The following GVQW3 variants were observed in gnomAD, a reference collection of about 807,000 sequenced individuals.
The protein encoded by GVQW3 is GVQW motif containing 3.
GVQW3 carries 7 observed loss-of-function variants against 12.5 expected under a neutral mutation model. The ratio of observed to expected loss-of-function variants is 0.56; its 90% confidence interval spans 0.32 to 1.05. GVQW3 has a LOEUF of 1.05. Among genes scored for constraint, GVQW3 ranks in the 50% least tolerant of loss-of-function variants. The pLI is 0.04. For synonymous variants in GVQW3, 71 were observed against 67.2 expected (o/e 1.06, Z -0.28); for missense variants, 188 against 190.8 (o/e 0.99, Z 0.09).
intron 1 of GVQW3, among the ~76,000 whole-genome samples, chr11:76,398,616 A>G (rs1946960891): frequency 6.6e-6 from 1 of 151,770 alleles, no homozygotes; most frequent in South Asian, 2.1e-4. Context: ...CCTGGCCTCA[A>G]TTTTCTTTAA....
chr11:76,401,564 A>C (rs1946989290), intron 1 of GVQW3, among the ~76,000 whole-genome samples: 1 of 152,070 alleles, frequency 6.6e-6, no homozygotes, highest in Non-Finnish European at 1.5e-5. Context: ...ACCTGAGGTC[A>C]GGAGTTTGAG....
intron 1 of GVQW3, chr11:76,395,084 G>C (rs1041656286): frequency 6.6e-6 from 1 of 152,168 alleles, no homozygotes; most frequent in Non-Finnish European, 1.5e-5. Flanking sequence ...CTCAATAAAT[G>C]TTTGATAGAT....
At chr11:76,397,981 G>A (rs1276154196) in intron 1 of GVQW3, among the ~76,000 whole-genome samples, 1 of 151,928 alleles carries the variant, frequency 6.6e-6, no homozygotes, top group African/African-American at 2.4e-5. Flanking sequence ...ACAAAAGTAT[G>A]AAAAGTAGCC....
intron 1 of GVQW3, among the ~76,000 whole-genome samples, chr11:76,401,992 G>T (rs1946994509): frequency 6.6e-6 from 1 of 152,066 alleles, no homozygotes; most frequent in South Asian, 2.1e-4. Flanking sequence ...AGCTTTTCCA[G>T]TCTCCTTTTC....
chr11:76,399,413 A>G (rs1006963692), intron 1 of GVQW3, among the ~76,000 whole-genome samples: 1 of 152,174 alleles, frequency 6.6e-6, no homozygotes, highest in Non-Finnish European at 1.5e-5. Flanking sequence ...AAGTGCTGGG[A>G]TTACAGGCGT....
chr11:76,396,251 G>A (rs1002829689), intron 1 of GVQW3, among the ~76,000 whole-genome samples: 12 of 151,988 alleles, frequency 7.9e-5, no homozygotes, highest in African/African-American at 2.9e-4. Flanking sequence ...CTTAGCATTT[G>A]CCTAGTATAT....
downstream of GVQW3, chr11:76,410,927 G>A (rs966145382): frequency 6.6e-6 from 1 of 152,194 alleles, no homozygotes; most frequent in African/African-American, 2.4e-5. Flanking sequence ...TGCTTTATGG[G>A]ACTTCAGGGA....
chr11:76,389,464 C>A (rs1302992283), intron 1 of GVQW3, among the ~76,000 whole-genome samples: 1 of 143,570 alleles, frequency 7.0e-6, no homozygotes, highest in East Asian at 2.2e-4. Context: ...GTGTTGGCAG[C>A]AAGGCTGGGA....
chr11:76,403,533 G>A, intron 1 of GVQW3, 127 bp from the exon 2 acceptor site: 2 of 403,720 alleles, frequency 5.0e-6, no homozygotes, highest in Admixed American at 4.3e-5. Context: ...ATAGTGGCAC[G>A]ATTTTAGCTC....
At chr11:76,392,023 C>G (rs1311819181) in intron 1 of GVQW3, among the ~76,000 whole-genome samples, 1 of 152,244 alleles carries the variant, frequency 6.6e-6, no homozygotes, top group African/African-American at 2.4e-5. Context: ...TGGGCCTGCA[C>G]TAGGCACAGA....
chr11:76,411,268 C>A (rs1297165545), downstream of GVQW3: 1 of 152,404 alleles, frequency 6.6e-6, no homozygotes, highest in Non-Finnish European at 1.5e-5. Flanking sequence ...GAAGAGGCTG[C>A]AACGTGCAGG....
At chr11:76,385,540 C>G (rs934817130) in intron 1 of GVQW3, among the ~76,000 whole-genome samples, 11 of 152,226 alleles carry the variant, frequency 7.2e-5, no homozygotes, top group African/African-American at 2.2e-4. Context: ...GCTTTGTTTT[C>G]TGGTCCTGGG....
chr11:76,382,003 G>A lies in GVQW3; in HGVS notation c.175G>A (p.Asp59Asn), dbSNP rs980672276. 1.3e-6 allele frequency: 2 copies of A among 1,536,428 alleles called. No homozygotes were observed. The highest frequency in any genetic ancestry group is 2.7e-5 in the African/African-American group (2 of 73,178). ...RFKEGREDVR[D>N]DARSGRPVTH... ...TAAAGAAGGACGGGAAGATGTTCGA[G>A]ATGATGCCCGAAGTGGGCGTCCAGT... The change falls in exon 1 of 2, where the codon GAT becomes AAT. Residue 59 changes from aspartate (D) to asparagine (N), a missense_variant. Transcript: ENST00000529331.
downstream of GVQW3, chr11:76,410,744 CT>C (rs1947074088): frequency 6.6e-6 from 1 of 152,204 alleles, no homozygotes; most frequent in Non-Finnish European, 1.5e-5. Flanking sequence ...GAAATCACAC[CT>C]TTTGCTCAGC....
At chr11:76,409,189 CG>C (rs1196105471), downstream of GVQW3, among the ~76,000 whole-genome samples, 1 of 152,088 alleles carries the variant, frequency 6.6e-6, no homozygotes, top group East Asian at 1.9e-4. Context: ...GAATGTACAC[CG>C]AATGCCTATT....
At chr11:76,397,324 AATAACATTCC>A (rs58191957) in intron 1 of GVQW3, among the ~76,000 whole-genome samples, 37,680 of 151,936 alleles carry the variant, frequency 0.25, 4,912 homozygotes, top group Admixed American at 0.36. Context: ...CTTATGGCTG[AATAACATTCC>A]ATTGTGTGAA....
intron 1 of GVQW3, among the ~76,000 whole-genome samples, chr11:76,395,755 C>T (rs1026777071): frequency 1.3e-5 from 2 of 152,192 alleles, no homozygotes; most frequent in African/African-American, 2.4e-5. Context: ...TTATTGATCA[C>T]ATGGAATACA....
At chr11:76,385,659 C>G (rs1163173079) in intron 1 of GVQW3, among the ~76,000 whole-genome samples, 1 of 152,108 alleles carries the variant, frequency 6.6e-6, no homozygotes, top group African/African-American at 2.4e-5. Context: ...TTTTTTGGAT[C>G]CTTCTTTCAG....
At chr11:76,386,216 G>A (rs1946832095) in intron 1 of GVQW3, among the ~76,000 whole-genome samples, 1 of 152,148 alleles carries the variant, frequency 6.6e-6, no homozygotes, top group African/African-American at 2.4e-5. Flanking sequence ...CTGATTTTAT[G>A]CAATTCTCCC....
Sources: allele counts gnomAD v4.1 joint callset (sites outside exome capture counted in the v4.1 genomes callset), GRCh38; gene constraint gnomAD v4.1.1; transcripts MANE v1.5; gene names NCBI Gene and HGNC (gene_info 2026-07-23, HGNC 2026-07-21).